Variants in CACNA1D observed in about 807,000 individuals in gnomAD.
CACNA1D encodes the protein calcium voltage-gated channel subunit alpha1 D.
A neutral mutation model predicts 257.1 loss-of-function variants in CACNA1D; 55 were observed. That is an observed-to-expected ratio of 0.21 (90% CI 0.17 to 0.27). The LOEUF (loss-of-function observed/expected upper bound fraction) is 0.27, where lower values mean the gene tolerates loss of function less well. CACNA1D is among the 10% of genes least tolerant of loss of function. The probability of loss-of-function intolerance (pLI) is 1.00; values close to 1 mark genes in which losing one functional copy is unlikely to be tolerated. For synonymous variants in CACNA1D, 980 were observed against 1,014.9 expected, an observed-to-expected ratio of 0.97 and a Z score of 0.65; for missense variants, 1,876 against 2,784.0, an observed-to-expected ratio of 0.67 and a Z score of 7.34.
chr3:53,810,214 C>G lies in CACNA1D; in HGVS notation c.6108C>G (p.Phe2036Leu), dbSNP rs772536226. 1 of 1,614,008 alleles carries G rather than the reference C, an allele frequency of 6.2e-7. No homozygotes were observed. Among genetic ancestry groups the G allele is most frequent in the Admixed American group, 1.7e-5 (1 of 60,032 alleles). ...AGCCCGACATCTCCTACCGGACTTT[C>G]ACACCAGCCAGCCTGACTGTCCCCA... ...TDEPDISYRT[F>L]TPASLTVPSS... The change falls in exon 47 of 48, where the codon TTC becomes TTG. Residue 2036 changes from phenylalanine (F) to leucine (L), a missense_variant. This residue lies in a region of CACNA1D where 491 missense variants were observed against 554.3 expected (regional missense o/e 0.89). Coordinates refer to ENST00000350061, the MANE Select transcript of CACNA1D (RefSeq NM_001128840.3).
At chr3:53,663,311 T>A (rs1159028259) in intron 5 of CACNA1D, among the ~76,000 whole-genome samples, 1 of 152,114 alleles carries the variant, frequency 6.6e-6, no homozygotes, top group African/African-American at 2.4e-5. Context: ...GAAAGTGAGA[T>A]GATAGCAGAA....
rs1264681910 is a variant in CACNA1D at position 53,803,821 on chromosome 3, T to C, written c.5585+249T>C. 3.9e-5 allele frequency among the ~76,000 whole-genome samples: 6 copies of C among 152,364 alleles called. No homozygotes were observed. The East Asian group carries it at 9.6e-4, about 24-fold the overall frequency. The stretch of plus-strand genomic sequence containing the variant: ...GCCTCTGAGGCCTTTTAGTGAAGGC[T>C]TGGGAAATGGGAGATGGGCCTGCTT... On this transcript the variant is annotated intron_variant, in intron 44 of 47. Coordinates refer to ENST00000350061, the MANE Select transcript of CACNA1D (RefSeq NM_001128840.3).
chr3:53,579,939 C>T (rs1012467855), intron 3 of CACNA1D, among the ~76,000 whole-genome samples: 2 of 152,222 alleles, frequency 1.3e-5, no homozygotes, highest in African/African-American at 4.8e-5. Context: ...GGGGCCAGGG[C>T]AGGGCTTGCG....
In CACNA1D at chr3:53,740,295, G is replaced by T; in HGVS notation, c.2767G>T (p.Asp923Tyr). 2 of 1,612,618 alleles carry T rather than the reference G, an allele frequency of 1.2e-6. No individual in the cohort carries two copies. Among genetic ancestry groups the T allele is most frequent in the South Asian group, 2.2e-5 (2 of 91,038 alleles). The change falls in exon 21 of 48, where the codon GAC becomes TAC. Residue 923 changes from aspartate to tyrosine, a missense_variant. This residue lies in a region of CACNA1D where 271 missense variants were observed against 425.5 expected (regional missense o/e 0.64). Transcript: ENST00000350061. ...SFRNTILGYF[D>Y]YAFTAIFTVE... ...TGCCTTGCAGATACTGGGTTACTTT[G>T]ACTATGCCTTCACAGCCATCTTTAC... is the stretch of plus-strand genomic sequence containing the variant.
At chr3:53,556,578 T>C (rs1345611871) in intron 3 of CACNA1D, among the ~76,000 whole-genome samples, 1 of 152,224 alleles carries the variant, frequency 6.6e-6, no homozygotes, top group Non-Finnish European at 1.5e-5. Flanking sequence ...TATTTCTGTC[T>C]TTTGGGTTTC....
chr3:53,734,016 G>GTATA lies in CACNA1D; in HGVS notation c.2621+1084_2621+1087dup, dbSNP rs58714566. Reference sequence around the variant, plus strand: ...TACATATACATATATATATGTGTGTGTATATATATATATATATATATATAT... The same window carrying GTATA: ...TACATATACATATATATATGTGTGTGTATATATATATATATATATATATATATAT... On this transcript the variant is annotated intron_variant, in intron 19 of 47. Transcript: ENST00000350061. 1.4e-3 allele frequency among the ~76,000 whole-genome samples: 183 copies of GTATA among 131,658 alleles called. 1 individual carries two copies. Among genetic ancestry groups the GTATA allele is most frequent in the East Asian group, 5.9e-3 (28 of 4,780 alleles). 86.4% of individuals were successfully genotyped at this position (131,658 alleles called of 152,430 possible). A position where few individuals can be genotyped will look rare whatever the true frequency, so the allele number is the denominator to read the frequency against.
intron 4 of CACNA1D, among the ~76,000 whole-genome samples, chr3:53,653,269 A>G (rs1024618301): frequency 3.3e-5 from 5 of 152,168 alleles, no homozygotes; most frequent in African/African-American, 9.7e-5. Flanking sequence ...AAGCAAACTG[A>G]TATGCTAACT....
At chr3:53,749,529 A>G in intron 27 of CACNA1D, 60 bp downstream of exon 27, 2 of 1,183,944 alleles carry the variant, frequency 1.7e-6, no homozygotes, top group Non-Finnish European at 1.3e-6. Context: ...TGCCTTCTTT[A>G]TTGACTGATT....
intron 6 of CACNA1D, 142 bp downstream of exon 6, chr3:53,665,954 A>C: frequency 1.5e-6 from 1 of 678,834 alleles, no homozygotes; most frequent in Non-Finnish European, 2.6e-6. Context: ...GCCAGTTCTC[A>C]GTGTGAGCTA....
intron 3 of CACNA1D, among the ~76,000 whole-genome samples, chr3:53,516,415 GCCCTT>G (rs905878057): frequency 8.5e-5 from 13 of 152,232 alleles, no homozygotes; most frequent in South Asian, 2.1e-4. Context: ...AGAGGAGTGT[GCCCTT>G]CCCTTCCCTT....
At chr3:53,733,394 C>T (rs2095019222) in intron 19 of CACNA1D, among the ~76,000 whole-genome samples, 1 of 152,180 alleles carries the variant, frequency 6.6e-6, no homozygotes, top group African/African-American at 2.4e-5. Context: ...ATTTTTGTGA[C>T]CAAGGTCCGC....
chr3:53,684,158 C>T (rs923510931), intron 8 of CACNA1D, among the ~76,000 whole-genome samples: 1 of 152,108 alleles, frequency 6.6e-6, no homozygotes, highest in Admixed American at 6.5e-5. Flanking sequence ...AAAAACGATT[C>T]TGTATGAAGC....
At chr3:53,601,547 G>A (rs969502043) in intron 3 of CACNA1D, among the ~76,000 whole-genome samples, 2 of 152,190 alleles carry the variant, frequency 1.3e-5, no homozygotes, top group Non-Finnish European at 2.9e-5. Flanking sequence ...AAAAGAGCCT[G>A]CCAACTTTAG....
intron 21 of CACNA1D, 104 bp downstream of exon 21, chr3:53,740,443 T>G (rs2095105147): frequency 1.2e-6 from 1 of 810,590 alleles, no homozygotes; most frequent in Non-Finnish European, 2.2e-6. Flanking sequence ...AGACTATGTC[T>G]TCACTGGTAC....
At chr3:53,617,349 C>T (rs2093648784) in intron 3 of CACNA1D, among the ~76,000 whole-genome samples, 1 of 152,134 alleles carries the variant, frequency 6.6e-6, no homozygotes, top group Non-Finnish European at 1.5e-5. Context: ...AGTGTTTAGG[C>T]TAAGAGCACA....
At chr3:53,697,598 C>T (rs753549585) in intron 8 of CACNA1D, among the ~76,000 whole-genome samples, 5 of 152,082 alleles carry the variant, frequency 3.3e-5, no homozygotes, top group Non-Finnish European at 7.4e-5. Context: ...ATAGAACAAC[C>T]CCAAGAATAG....
rs547326663 is a variant in CACNA1D at position 53,513,140 on chromosome 3, C to T, written c.483+11420C>T. ...TAACTGGAGGCACAGTGGTTATTGC[C>T]TTTGTTACTAGCTGACATTGGCTGA... On this transcript the variant is annotated intron_variant, in intron 3 of 47. Transcript: ENST00000350061. Among the ~76,000 whole-genome samples the T allele has an allele frequency of 3.9e-5, 6 of 152,244 alleles. No homozygotes were observed. The South Asian group carries it at 1.0e-3, about 26-fold the overall frequency.
At chr3:53,604,825 C>T (rs959022864) in intron 3 of CACNA1D, among the ~76,000 whole-genome samples, 1 of 152,170 alleles carries the variant, frequency 6.6e-6, no homozygotes, top group Non-Finnish European at 1.5e-5. Flanking sequence ...GAAACATTAG[C>T]ACCTTCATTT....
intron 8 of CACNA1D, among the ~76,000 whole-genome samples, chr3:53,682,392 A>ACAAAG (rs2094440692): frequency 7.0e-6 from 1 of 142,522 alleles, no homozygotes; most frequent in African/African-American, 2.6e-5. Context: ...AAAAAAAAAA[A>ACAAAG]AAAACAGAAG....
Sources: allele counts gnomAD v4.1 joint callset (sites outside exome capture counted in the v4.1 genomes callset), GRCh38; gene constraint gnomAD v4.1.1; regional missense constraint gnomAD v4.1.1; transcripts MANE v1.5; gene names NCBI Gene and HGNC (gene_info 2026-07-23, HGNC 2026-07-21).